HHAT: variants seen among roughly 807,000 people sequenced by gnomAD.
HHAT encodes the protein protein-cysteine N-palmitoyltransferase HHAT.
In HHAT, 47 loss-of-function variants were observed where a neutral mutation model predicts 70.8. The ratio of observed to expected loss-of-function variants is 0.66; its 90% CI spans 0.53 to 0.85. HHAT has a LOEUF of 0.85. Among genes scored for constraint, HHAT ranks in the 40% least tolerant of loss-of-function variants. HHAT has a pLI of 0.00. For synonymous variants in HHAT, 228 were observed against 247.6 expected (o/e 0.92, Z 0.74); for missense variants, 609 against 604.8 (o/e 1.01, Z -0.07).
chr1:210,496,893 G>C (rs1331185074), intron 8 of HHAT, among the ~76,000 whole-genome samples: 3 of 152,182 alleles, frequency 2.0e-5, no homozygotes, highest in Non-Finnish European at 2.9e-5. Context: ...TCTGATTTCT[G>C]TAGTTCTATA....
intron 11 of HHAT, among the ~76,000 whole-genome samples, chr1:210,646,503 C>T (rs891599617): frequency 7.9e-5 from 12 of 152,236 alleles, no homozygotes; most frequent in African/African-American, 2.2e-4. Flanking sequence ...GACAAAAGCC[C>T]GTAAGACAAG....
chr1:210,627,334 G>A (rs1434248116), intron 11 of HHAT, among the ~76,000 whole-genome samples: 1 of 152,314 alleles, frequency 6.6e-6, no homozygotes, highest in Non-Finnish European at 1.5e-5. Context: ...CATCACTGAT[G>A]TGCCTAGAAG....
intron 7 of HHAT, among the ~76,000 whole-genome samples, chr1:210,425,190 A>G (rs2093025539): frequency 6.6e-6 from 1 of 152,068 alleles, no homozygotes; most frequent in Non-Finnish European, 1.5e-5. Flanking sequence ...CCATTACTTA[A>G]TGAGATTGTT....
chr1:210,397,398 G>A (rs540695211), intron 4 of HHAT, among the ~76,000 whole-genome samples: 4 of 152,176 alleles, frequency 2.6e-5, no homozygotes, highest in African/African-American at 9.6e-5. Context: ...GGCTATTTTG[G>A]TGTTTAGGTG....
At position 210,392,210 on chromosome 1, in the gene HHAT, AATG is replaced by A. The variant is rs2091504825; in HGVS notation, c.273+4633_273+4635del. Among the ~76,000 whole-genome samples, 6 of 152,166 alleles carry A rather than the reference AATG, an allele frequency of 3.9e-5. No individual in the cohort carries two copies. In the South Asian group the frequency reaches 1.2e-3, roughly 32 times the overall value. On this transcript the variant is annotated intron_variant, in intron 4 of 11. Coordinates refer to ENST00000261458, the MANE Select transcript of HHAT (RefSeq NM_018194.6). ...TTTAACTGAACACATGGAAGAATGA[AATG>A]ATGGGCAGAAGGAAAGGTGGGAGTT...
chr1:210,328,936 C>A lies in HHAT; in HGVS notation c.-212C>A. ...GGCAGGGGCGTGCTCGGAGGACGCG[C>A]GCTGCGCTGCTCCTCCAAAGGGCAG... On this transcript the variant is annotated 5_prime_UTR_variant, in exon 1 of 12. Coordinates refer to ENST00000261458, the MANE Select transcript of HHAT (RefSeq NM_018194.6). The A allele has an allele frequency of 9.0e-7, 1 of 1,106,024 alleles. No homozygotes were observed. The highest frequency in any genetic ancestry group is 1.2e-6 in the Non-Finnish European group (1 of 862,258). 68.5% of individuals were successfully genotyped at this position (1,106,024 alleles called of 1,614,324 possible). A position where few individuals can be genotyped will look rare whatever the true frequency, so the allele number is the denominator to read the frequency against.
At chr1:210,487,830 A>C (rs2094495512) in intron 8 of HHAT, among the ~76,000 whole-genome samples, 1 of 152,212 alleles carries the variant, frequency 6.6e-6, no homozygotes, top group Non-Finnish European at 1.5e-5. Flanking sequence ...AGCAGGAAGA[A>C]AGCTACCAAG....
At chr1:210,407,047 G>A (rs1476771809) in intron 6 of HHAT, among the ~76,000 whole-genome samples, 1 of 152,170 alleles carries the variant, frequency 6.6e-6, no homozygotes, top group Admixed American at 6.5e-5. Flanking sequence ...TGTTCAGTAA[G>A]ATATAGGGCA....
intron 9 of HHAT, among the ~76,000 whole-genome samples, chr1:210,525,470 GA>G (rs751791526): frequency 5.9e-5 from 9 of 152,116 alleles, no homozygotes; most frequent in Non-Finnish European, 1.0e-4. Context: ...GGGCCTTGAC[GA>G]TTATGTTCCA....
intron 4 of HHAT, among the ~76,000 whole-genome samples, chr1:210,392,530 A>G (rs2091523405): frequency 6.6e-6 from 1 of 152,160 alleles, no homozygotes; most frequent in South Asian, 2.1e-4. Flanking sequence ...CTTTATGCAT[A>G]AGGAGTAAGG....
intron 8 of HHAT, among the ~76,000 whole-genome samples, chr1:210,483,843 A>G (rs78616433): frequency 0.069 from 10,426 of 152,198 alleles, 463 homozygotes; most frequent in Middle Eastern, 0.099. Flanking sequence ...ATAAGTATAA[A>G]TACATTTCTG....
At chr1:210,632,118 T>C (rs1413005689) in intron 11 of HHAT, among the ~76,000 whole-genome samples, 1 of 152,154 alleles carries the variant, frequency 6.6e-6, no homozygotes, top group Non-Finnish European at 1.5e-5. Context: ...GTATTCTCTC[T>C]AAGGGGAAGC....
intron 8 of HHAT, among the ~76,000 whole-genome samples, chr1:210,482,254 A>G (rs956094530): frequency 5.9e-5 from 9 of 152,256 alleles, no homozygotes; most frequent in African/African-American, 2.2e-4. Context: ...CCCAGATCAC[A>G]CATAGAGCAC....
At position 210,488,780 on chromosome 1, in the gene HHAT, C is replaced by T. The variant is rs145096827; in HGVS notation, c.1007+24125C>T. ...TGGTGGTACACACCTGTAGTCCTAG[C>T]TACTCAGGAGGCTGAGGTGGGAGGA... On this transcript the variant is annotated intron_variant, in intron 8 of 11. Transcript: ENST00000261458. Among the ~76,000 whole-genome samples the T allele has an allele frequency of 1.2e-3, 183 of 152,240 alleles. 4 individuals carry two copies. In the East Asian group the frequency reaches 0.024, roughly 20 times the overall value.
Position 210,398,512 on chromosome 1 carries a change from A to G in HHAT, c.274-1956A>G, listed in dbSNP as rs1358555786. ...TAAATTCATCATAGTCTCTCAAGTA[A>G]ATGGGGTTTACACAGCACTATCAAG... On this transcript the variant is annotated intron_variant, in intron 4 of 11. Transcript: ENST00000261458. Among the ~76,000 whole-genome samples, 4 of 152,260 alleles carry G rather than the reference A, an allele frequency of 2.6e-5. No individual in the cohort carries two copies. In the East Asian group the frequency reaches 7.7e-4, roughly 29 times the overall value.
At chr1:210,418,641 G>A (rs997818938) in intron 7 of HHAT, among the ~76,000 whole-genome samples, 1 of 152,124 alleles carries the variant, frequency 6.6e-6, no homozygotes, top group African/African-American at 2.4e-5. Context: ...GCAGTAGAAG[G>A]CAGGAGTTGC....
chr1:210,422,468 A>G (rs2148290131), intron 7 of HHAT, among the ~76,000 whole-genome samples: 1 of 152,224 alleles, frequency 6.6e-6, no homozygotes, highest in Non-Finnish European at 1.5e-5. Flanking sequence ...CTGTATGAAC[A>G]TTTATTAGCT....
intron 4 of HHAT, among the ~76,000 whole-genome samples, chr1:210,392,083 G>T (rs967155620): frequency 6.6e-6 from 1 of 152,110 alleles, no homozygotes; most frequent in African/African-American, 2.4e-5. Context: ...TGCCCAGACT[G>T]GTCTTAAACT....
At chr1:210,328,647 T>G (rs2084712043), upstream of HHAT, among the ~76,000 whole-genome samples, 1 of 152,214 alleles carries the variant, frequency 6.6e-6, no homozygotes, top group Non-Finnish European at 1.5e-5. Flanking sequence ...TTCAGGTGAC[T>G]TCCACTCTGC....
Sources: gnomAD v4.1 joint callset for allele counts (sites outside exome capture counted in the v4.1 genomes callset) on GRCh38, gnomAD v4.1.1 for gene constraint, MANE v1.5 for transcripts, NCBI Gene and HGNC (gene_info 2026-07-23, HGNC 2026-07-21) for gene names.